The following HACE1 variants were observed in gnomAD, a reference collection of about 807,000 sequenced individuals.
HACE1 encodes the protein E3 ubiquitin-protein ligase HACE1.
In HACE1, 73 loss-of-function variants were observed where a neutral mutation model predicts 118.4. That is an observed-to-expected ratio of 0.62 (90% CI 0.51 to 0.75). The LOEUF is 0.75. Among genes scored for constraint, HACE1 ranks in the 30% least tolerant of loss-of-function variants. The pLI, the probability that HACE1 is intolerant of heterozygous loss-of-function variation, is 0.00. For missense variants in HACE1, 749 were observed against 1,102.2 expected, an observed-to-expected ratio of 0.68 and a Z score of 4.54; for synonymous variants, 368 against 374.8, an observed-to-expected ratio of 0.98 and a Z score of 0.21.
chr6:104,841,045 C>CG (rs1426880763), intron 5 of HACE1, among the ~76,000 whole-genome samples: 2 of 150,664 alleles, frequency 1.3e-5, no homozygotes, highest in Admixed American at 1.3e-4. Context: ...CACTTGAACC[C>CG]GGGAGGTGGA....
intron 3 of HACE1, among the ~76,000 whole-genome samples, chr6:104,849,524 G>A (rs1049293310): frequency 3.1e-4 from 37 of 118,314 alleles, no homozygotes; most frequent in Non-Finnish European, 6.0e-4. Context: ...TTTTTTTTCT[G>A]TAGAGAAGAG....
In HACE1 at chr6:104,811,247, CATATATAT is replaced by C. The variant is rs3995559; in HGVS notation, c.617+56_617+63del. ...AAATATATATATTTCTTTATTTATA[CATATATAT>C]ATATATATATATATATATGAGCATA... On this transcript the variant is annotated intron_variant, in intron 7 of 23. Transcript: ENST00000262903. The C allele has an allele frequency of 3.5e-4, 73 of 208,450 alleles. 1 individual carries two copies. The highest frequency in any genetic ancestry group is 1.9e-3 in the Middle Eastern group (2 of 1,070). 12.9% of individuals were successfully genotyped at this position (208,450 alleles called of 1,614,324 possible).
chr6:104,848,127 C>T (rs1775840197), intron 4 of HACE1, among the ~76,000 whole-genome samples: 2 of 151,340 alleles, frequency 1.3e-5, no homozygotes, highest in South Asian at 2.1e-4. Flanking sequence ...GCTGGGATTA[C>T]AGGCCTGGAC....
intron 7 of HACE1, among the ~76,000 whole-genome samples, chr6:104,799,993 G>C (rs1164784678): frequency 6.6e-6 from 1 of 152,076 alleles, no homozygotes; most frequent in African/African-American, 2.4e-5. Flanking sequence ...GGAAAAACGG[G>C]ACACTCCTGC....
chr6:104,744,497 C>T lies in HACE1; in HGVS notation c.2442+15G>A, dbSNP rs1291213904. On this transcript the variant is annotated intron_variant, in intron 21 of 23. Transcript: ENST00000262903. ...GCAAAACTTAACTTCATTCTAAGCT[C>T]TAGAGAAATTTTACCTGAATAACTG... 2.2e-6 allele frequency: 3 copies of T among 1,358,900 alleles called. No homozygotes were observed. The South Asian group carries it at 3.5e-5, about 16-fold the overall frequency. 84.2% of individuals were successfully genotyped at this position (1,358,900 alleles called of 1,614,324 possible). A position where few individuals can be genotyped will look rare whatever the true frequency, so the allele number is the denominator to read the frequency against.
chr6:104,826,771 A>C (rs1230746763), intron 6 of HACE1, among the ~76,000 whole-genome samples: 2 of 152,220 alleles, frequency 1.3e-5, no homozygotes, highest in Non-Finnish European at 2.9e-5. Flanking sequence ...CTATATGCCT[A>C]AAACTGGATC....
intron 6 of HACE1, among the ~76,000 whole-genome samples, chr6:104,816,441 C>T (rs1772124580): frequency 6.6e-6 from 1 of 152,266 alleles, no homozygotes; most frequent in Admixed American, 6.5e-5. Context: ...CAGGCCACTG[C>T]TTTAGAGGGT....
At chr6:104,797,956 T>A (rs1769861859) in intron 7 of HACE1, among the ~76,000 whole-genome samples, 1 of 151,204 alleles carries the variant, frequency 6.6e-6, no homozygotes, top group South Asian at 2.1e-4. Context: ...TAATCCCAGC[T>A]ACTTGGGAGG....
chr6:104,835,790 A>G (rs1774474519), intron 5 of HACE1, among the ~76,000 whole-genome samples: 1 of 152,232 alleles, frequency 6.6e-6, no homozygotes, highest in African/African-American at 2.4e-5. Context: ...GGATTTTAGA[A>G]CACTAAGGAC....
At chr6:104,816,942 T>C (rs1297016879) in intron 6 of HACE1, among the ~76,000 whole-genome samples, 1 of 152,168 alleles carries the variant, frequency 6.6e-6, no homozygotes. Flanking sequence ...CCTGCTAGGT[T>C]TCAGACTTGC....
chr6:104,729,815 G>T, intron 23 of HACE1, 51 bp from the exon 24 acceptor site: 2 of 849,166 alleles, frequency 2.4e-6, no homozygotes, highest in African/African-American at 3.3e-5. Flanking sequence ...TAAAATTTCT[G>T]ATTGTTTTGC....
chr6:104,774,557 G>C (rs1376633152), intron 17 of HACE1, among the ~76,000 whole-genome samples: 1 of 151,296 alleles, frequency 6.6e-6, no homozygotes, highest in Non-Finnish European at 1.5e-5. Context: ...GTTAATTTTT[G>C]TATTTTCAGT....
At chr6:104,805,417 C>A (rs1049757949) in intron 7 of HACE1, among the ~76,000 whole-genome samples, 2 of 152,102 alleles carry the variant, frequency 1.3e-5, no homozygotes, top group African/African-American at 2.4e-5. Context: ...ATGTTTATTG[C>A]AGTACTATTC....
chr6:104,833,049 T>C lies in HACE1; in HGVS notation c.527A>G (p.His176Arg). 1 of 1,613,580 alleles carries C rather than the reference T, an allele frequency of 6.2e-7. No individual in the cohort carries two copies. Among genetic ancestry groups the C allele is most frequent in the East Asian group, 2.2e-5 (1 of 44,890 alleles). The change falls in exon 6 of 24, where the codon CAC becomes CGC. Residue 176 changes from histidine to arginine, a missense_variant. This residue lies in a region of HACE1 where 267 missense variants were observed against 312.2 expected (regional missense o/e 0.86). Coordinates refer to ENST00000262903, the MANE Select transcript of HACE1 (RefSeq NM_020771.4). ...TALHVACQNG[H>R]KTTVQCLLDS... is the part of the protein sequence containing the mutation. ...CCTCATGGCTCAACTTACCGTCTTG[T>C]GACCGTTCTGGCAGGCAACATGCAG...
rs564594022 is a variant in HACE1, at chr6:104,850,952, T to C, written c.176A>G (p.Tyr59Cys). The change falls in exon 3 of 24, where the codon TAT (tyrosine) becomes TGT (cysteine). Residue 59 changes from tyrosine (Y) to cysteine (C), a missense_variant. Coordinates refer to ENST00000262903, the MANE Select transcript of HACE1 (RefSeq NM_020771.4). The stretch of plus-strand genomic sequence containing the variant: ...GCTTCTTTTCACACGTCCGAATGCA[T>C]AATTGACATCAAATTTTGAATTTGA... The part of the protein sequence containing the change: ...LLSNSKFDVN[Y>C]AFGRVKRSLL... The C allele has an allele frequency of 1.9e-5, 30 of 1,610,468 alleles. No individual in the cohort carries two copies. In the African/African-American group the frequency reaches 2.1e-4, roughly 11 times the overall value.
chr6:104,731,772 G>T (rs1775224671), intron 22 of HACE1: 1 of 150,340 alleles, frequency 6.7e-6, no homozygotes, highest in African/African-American at 2.5e-5. Context: ...ACTCTTAGAA[G>T]AAAATATAAG....
At chr6:104,836,924 C>T (rs1774596593) in intron 5 of HACE1, among the ~76,000 whole-genome samples, 1 of 152,026 alleles carries the variant, frequency 6.6e-6, no homozygotes, top group Admixed American at 6.6e-5. Context: ...GAAAATGAAA[C>T]AGTTATATGC....
At position 104,785,232 on chromosome 6, in the gene HACE1, T is replaced by C. The variant is rs751882947; in HGVS notation, c.1162A>G (p.Ile388Val). The change falls in exon 12 of 24, where the codon ATC becomes GTC. Residue 388 changes from isoleucine (I) to valine (V), a missense_variant. By Grantham distance (29) the Ile-to-Val change is conservative (BLOSUM62 3). Transcript: ENST00000262903. Reference sequence around the variant, plus strand: ...TTTTGTTTCAGTAAAATAGAAGTGATCTCTGTTGAGTCTCTTTTGTTTTTC... The same window carrying C: ...TTTTGTTTCAGTAAAATAGAAGTGACCTCTGTTGAGTCTCTTTTGTTTTTC... ...LMKNKRDSTE[I>V]TSILLKQKGQ... The C allele has an allele frequency of 1.8e-5, 29 of 1,611,744 alleles. 1 individual carries two copies. The highest frequency in any genetic ancestry group is 2.1e-5 in the Non-Finnish European group (25 of 1,177,964).
chr6:104,736,587 T>C (rs1406511759), intron 22 of HACE1, among the ~76,000 whole-genome samples: 1 of 152,224 alleles, frequency 6.6e-6, no homozygotes, highest in Non-Finnish European at 1.5e-5. Context: ...TTATCTTTAA[T>C]ACCAAAACAA....
Sources: allele counts gnomAD v4.1 joint callset (sites outside exome capture counted in the v4.1 genomes callset), GRCh38; gene constraint gnomAD v4.1.1; regional missense constraint gnomAD v4.1.1; transcripts MANE v1.5; gene names NCBI Gene and HGNC (gene_info 2026-07-23, HGNC 2026-07-21).